The following PARD3B variants were observed in gnomAD, a reference collection of about 807,000 sequenced individuals.
PARD3B encodes par-3 family cell polarity regulator beta.
A neutral mutation model predicts 130.2 loss-of-function variants in PARD3B; 103 were observed. That is an observed-to-expected ratio of 0.79 (90% CI 0.67 to 0.93). PARD3B has a LOEUF of 0.93. Among genes scored for constraint, PARD3B ranks in the 40% least tolerant of loss-of-function variants. The pLI is 0.00. For missense variants in PARD3B, 1,609 were observed against 1,499.2 expected (o/e 1.07, Z -1.21); for synonymous variants, 583 against 553.2 (o/e 1.05, Z -0.76).
At chr2:204,560,992 G>A (rs1332146619) in intron 1 of PARD3B, among the ~76,000 whole-genome samples, 1 of 150,896 alleles carries the variant, frequency 6.6e-6, no homozygotes, top group South Asian at 2.1e-4. Context: ...CGCAGTCTCT[G>A]AGACATTTCA....
chr2:204,715,907 A>G (rs905400301), intron 2 of PARD3B, among the ~76,000 whole-genome samples: 3 of 152,122 alleles, frequency 2.0e-5, no homozygotes, highest in Admixed American at 6.5e-5. Context: ...CCGTGAAACC[A>G]GCACTCCTCA....
chr2:205,120,179 T>A (rs1289556017), intron 7 of PARD3B, among the ~76,000 whole-genome samples: 1 of 152,176 alleles, frequency 6.6e-6, no homozygotes, highest in Non-Finnish European at 1.5e-5. Flanking sequence ...AAAACTATAG[T>A]TAGTAATAAT....
At chr2:204,825,886 C>T (rs985926295) in intron 2 of PARD3B, among the ~76,000 whole-genome samples, 2 of 152,082 alleles carry the variant, frequency 1.3e-5, no homozygotes, top group Non-Finnish European at 2.9e-5. Flanking sequence ...CCTAGATTTT[C>T]GTTGTTTTGG....
intron 3 of PARD3B, among the ~76,000 whole-genome samples, chr2:204,984,756 C>G (rs1393468648): frequency 6.6e-6 from 1 of 151,912 alleles, no homozygotes; most frequent in African/African-American, 2.4e-5. Flanking sequence ...CCATTTTCAC[C>G]CACTTTAGGC....
At chr2:204,898,552 C>A (rs952274417) in intron 2 of PARD3B, among the ~76,000 whole-genome samples, 15 of 152,076 alleles carry the variant, frequency 9.9e-5, no homozygotes, top group African/African-American at 3.6e-4. Context: ...ATGATCTATT[C>A]CTGAGAATGA....
intron 2 of PARD3B, among the ~76,000 whole-genome samples, chr2:204,868,823 C>G (rs577396247): frequency 1.4e-4 from 21 of 152,104 alleles, no homozygotes; most frequent in Admixed American, 3.9e-4. Context: ...TAAGTTGAGA[C>G]GATCTGTCTG....
intron 4 of PARD3B, among the ~76,000 whole-genome samples, chr2:205,069,657 T>G (rs887615653): frequency 6.6e-6 from 1 of 152,048 alleles, no homozygotes; most frequent in Non-Finnish European, 1.5e-5. Context: ...AACTCTGTGG[T>G]CTTACCCTGG....
intron 3 of PARD3B, among the ~76,000 whole-genome samples, chr2:205,026,248 G>A (rs1409984667): frequency 6.6e-6 from 1 of 152,164 alleles, no homozygotes; most frequent in Non-Finnish European, 1.5e-5. Flanking sequence ...TAGTACAAAG[G>A]CACTAGGGCA....
At chr2:204,629,331 G>A (rs771240643) in intron 1 of PARD3B, among the ~76,000 whole-genome samples, 6 of 152,052 alleles carry the variant, frequency 3.9e-5, no homozygotes, top group Admixed American at 1.3e-4. Flanking sequence ...TTTACATACC[G>A]TGCTCCTGCA....
intron 21 of PARD3B, among the ~76,000 whole-genome samples, chr2:205,534,968 A>G (rs1226391159): frequency 1.3e-5 from 2 of 152,164 alleles, no homozygotes; most frequent in African/African-American, 4.8e-5. Context: ...ACCAGAGGCT[A>G]TTATATTCAC....
At chr2:205,532,148 T>TTTATACAAAAA (rs1471696574) in intron 21 of PARD3B, among the ~76,000 whole-genome samples, 2 of 152,228 alleles carry the variant, frequency 1.3e-5, no homozygotes, top group African/African-American at 4.8e-5. Flanking sequence ...TTATACAAAA[T>TTTATACAAAAA]TAATGTTGAC....
rs911093360 is a variant in PARD3B at position 204,675,538 on chromosome 2, A to C, written c.121-10643A>C. Among the ~76,000 whole-genome samples the C allele has an allele frequency of 1.3e-5, 2 of 152,110 alleles. No homozygotes were observed. On this transcript the variant is annotated intron_variant, in intron 1 of 22. Transcript: ENST00000406610. This position sits in a 1 kb window ranked among gnomAD's most constrained non-coding sequence, Gnocchi z 4.4. ...TGTCTTGAGATGATGTAGACAGTAC[A>C]TTTGGAAATAATTAAAATTTGTTCT...
intron 2 of PARD3B, among the ~76,000 whole-genome samples, chr2:204,855,325 G>A (rs188555927): frequency 6.6e-6 from 1 of 151,864 alleles, no homozygotes; most frequent in Non-Finnish European, 1.5e-5. Flanking sequence ...TGGGTGGATC[G>A]TGAGGTCAAG....
intron 2 of PARD3B, among the ~76,000 whole-genome samples, chr2:204,749,290 A>C (rs996973318): frequency 6.6e-6 from 1 of 152,174 alleles, no homozygotes; most frequent in African/African-American, 2.4e-5. Context: ...TTATTTCCCA[A>C]GTATCAAGGG....
intron 1 of PARD3B, among the ~76,000 whole-genome samples, chr2:204,624,001 T>C (rs2034395274): frequency 6.6e-6 from 1 of 152,176 alleles, no homozygotes; most frequent in Non-Finnish European, 1.5e-5. Flanking sequence ...CTGCATAATA[T>C]TCCATGGTAT....
At chr2:204,837,422 CTTTT>C (rs201988854) in intron 2 of PARD3B, among the ~76,000 whole-genome samples, 1 of 140,102 alleles carries the variant, frequency 7.1e-6, no homozygotes. Context: ...ATAAAAATTA[CTTTT>C]TTTTTTTTTT....
At chr2:205,612,076 C>T (rs187174322) in intron 22 of PARD3B, among the ~76,000 whole-genome samples, 8 of 152,208 alleles carry the variant, frequency 5.3e-5, no homozygotes, top group African/African-American at 1.4e-4. Flanking sequence ...GAGAAACTCA[C>T]GATTAACAAA....
At chr2:205,536,253 CT>C (rs56400963) in intron 21 of PARD3B, among the ~76,000 whole-genome samples, 58,382 of 151,896 alleles carry the variant, frequency 0.38, 11,765 homozygotes, top group Admixed American at 0.49. Flanking sequence ...GCTGAATTGA[CT>C]TTTGATTTTT....
intron 4 of PARD3B, among the ~76,000 whole-genome samples, chr2:205,093,294 T>G (rs1702217398): frequency 1.3e-5 from 2 of 152,088 alleles, no homozygotes; most frequent in African/African-American, 4.8e-5. Flanking sequence ...TCTGTTGTAT[T>G]TCAGTCCTGT....
Sources: allele counts gnomAD v4.1 joint callset (sites outside exome capture counted in the v4.1 genomes callset), GRCh38; gene constraint gnomAD v4.1.1; non-coding constraint Gnocchi (gnomAD v3.1); transcripts MANE v1.5; gene names NCBI Gene and HGNC (gene_info 2026-07-23, HGNC 2026-07-21).